The following FRAS1 variants were observed in gnomAD, a reference collection of about 807,000 sequenced individuals.
FRAS1 encodes the protein extracellular matrix organizing protein FRAS1.
Under a neutral mutation model 435.2 loss-of-function variants are expected in FRAS1, and 290 were observed. The observed-to-expected ratio is 0.67, with a 90% CI of 0.61 to 0.73. The LOEUF is 0.73. FRAS1 is among the 30% of genes least tolerant of loss of function. The probability of loss-of-function intolerance (pLI) is 0.00; values close to 1 mark genes in which losing one functional copy is unlikely to be tolerated. For missense variants in FRAS1, 4,860 were observed against 5,001.5 expected, an observed-to-expected ratio of 0.97 and a Z score of 0.85; for synonymous variants, 1,800 against 1,851.0, an observed-to-expected ratio of 0.97 and a Z score of 0.71.
intron 2 of FRAS1, among the ~76,000 whole-genome samples, chr4:78,170,828 G>T (rs1475028026): frequency 6.6e-6 from 1 of 151,876 alleles, no homozygotes; most frequent in Admixed American, 6.6e-5. Flanking sequence ...GTCACGGGTG[G>T]CCCCACAGTC....
At chr4:78,140,737 G>A (rs1420433364) in intron 2 of FRAS1, among the ~76,000 whole-genome samples, 1 of 147,500 alleles carries the variant, frequency 6.8e-6, no homozygotes, top group African/African-American at 2.6e-5. Flanking sequence ...ATACGTGTGT[G>A]TATATGTATA....
At chr4:78,472,928 C>T (rs1327165441) in intron 52 of FRAS1, among the ~76,000 whole-genome samples, 2 of 152,174 alleles carry the variant, frequency 1.3e-5, no homozygotes, top group East Asian at 1.9e-4. Flanking sequence ...TCTTTTTACT[C>T]TCTGTCCTCA....
intron 2 of FRAS1, among the ~76,000 whole-genome samples, chr4:78,100,150 C>A (rs942054119): frequency 1.3e-5 from 2 of 152,148 alleles, no homozygotes; most frequent in African/African-American, 4.8e-5. Context: ...AGACTGCAGG[C>A]TCAGCAAATA....
intron 18 of FRAS1, among the ~76,000 whole-genome samples, chr4:78,323,562 C>G (rs1729592563): frequency 6.6e-6 from 1 of 152,196 alleles, no homozygotes. Context: ...ATTCCCATGC[C>G]TCTGTGGGTG....
chr4:78,371,327 G>C (rs910526499), intron 23 of FRAS1, among the ~76,000 whole-genome samples: 2 of 152,080 alleles, frequency 1.3e-5, no homozygotes, highest in Non-Finnish European at 2.9e-5. Flanking sequence ...TTGGGACTTA[G>C]AAATATTCTA....
chr4:78,265,342 A>T (rs1726297899), intron 7 of FRAS1, among the ~76,000 whole-genome samples: 1 of 152,192 alleles, frequency 6.6e-6, no homozygotes, highest in Non-Finnish European at 1.5e-5. Context: ...TAGTTTAAGA[A>T]CCTTGGTGAA....
chr4:78,538,033 T>G (rs1721936792), intron 72 of FRAS1, among the ~76,000 whole-genome samples: 1 of 152,120 alleles, frequency 6.6e-6, no homozygotes, highest in South Asian at 2.1e-4. Flanking sequence ...CTTCATACAC[T>G]TTAGACAAAA....
intron 2 of FRAS1, among the ~76,000 whole-genome samples, chr4:78,128,607 T>C (rs536361398): frequency 6.2e-4 from 94 of 152,346 alleles, no homozygotes; most frequent in Non-Finnish European, 1.1e-3. Flanking sequence ...GGTTGTTTGT[T>C]TTTTTCTTGT....
rs368451625 is a variant in FRAS1, at chr4:78,216,951, CAG to C, written c.109-20558_109-20557del. The stretch of plus-strand genomic sequence containing the variant: ...GTAGGGGATAAGACTGGAGCAAAGT[CAG>C]GGGCCTGGCAGACCTGATGAGAAAT... On this transcript the variant is annotated intron_variant, in intron 2 of 73. Transcript: ENST00000512123. Among the ~76,000 whole-genome samples the C allele has an allele frequency of 3.9e-3, 591 of 152,252 alleles. 6 individuals carry two copies. The highest frequency in any genetic ancestry group is 0.013 in the African/African-American group (541 of 41,534).
chr4:78,264,934 T>G, intron 6 of FRAS1, 91 bp from the exon 7 acceptor site: 1 of 760,002 alleles, frequency 1.3e-6, no homozygotes, highest in South Asian at 1.5e-5. Flanking sequence ...CTTGGGGGCA[T>G]GATTTAGTTG....
Position 78,375,723 on chromosome 4 carries a change from T to A in FRAS1, c.3152-16T>A. On this transcript the variant is annotated splice_polypyrimidine_tract_variant and intron_variant, in intron 25 of 73. Coordinates refer to ENST00000512123, the MANE Select transcript of FRAS1 (RefSeq NM_025074.7). ...TGCCTTGATTGAGCCTCATTTAGTG[T>A]TTCCTTTTTTAATAGCCTGCCCTCA... is the stretch of plus-strand genomic sequence containing the variant. 19 of 1,554,690 alleles carry A rather than the reference T, an allele frequency of 1.2e-5. No individual in the cohort carries two copies. The highest frequency in any genetic ancestry group is 1.6e-5 in the Non-Finnish European group (18 of 1,152,066).
intron 2 of FRAS1, among the ~76,000 whole-genome samples, chr4:78,090,071 C>A (rs1398790895): frequency 1.9e-5 from 1 of 53,262 alleles, no homozygotes; most frequent in African/African-American, 6.5e-5. Flanking sequence ...AAGATCGTGG[C>A]ATTGCAAACT....
intron 29 of FRAS1, among the ~76,000 whole-genome samples, chr4:78,392,447 A>G (rs1227381926): frequency 2.0e-5 from 3 of 151,928 alleles, no homozygotes; most frequent in Admixed American, 6.6e-5. Flanking sequence ...TTATGACTCA[A>G]CCTTTAATTT....
chr4:78,256,282 A>G (rs1177408404), intron 6 of FRAS1, among the ~76,000 whole-genome samples: 1 of 152,202 alleles, frequency 6.6e-6, no homozygotes, highest in African/African-American at 2.4e-5. Context: ...CACACCAACT[A>G]CTGTGCTCAT....
intron 2 of FRAS1, among the ~76,000 whole-genome samples, chr4:78,121,443 GCA>G (rs1719018429): frequency 6.6e-6 from 1 of 152,176 alleles, no homozygotes; most frequent in Admixed American, 6.5e-5. Context: ...AGGGGTGTTG[GCA>G]CAGTGCTGGG....
At position 78,473,609 on chromosome 4, in the gene FRAS1, A is replaced by G. The variant is rs768132108; in HGVS notation, c.7682+12A>G. The G allele has an allele frequency of 4.5e-6, 7 of 1,560,102 alleles. No individual in the cohort carries two copies. The Admixed American group carries it at 1.3e-4, about 28-fold the overall frequency. On this transcript the variant is annotated intron_variant, in intron 53 of 73. Transcript: ENST00000512123. ...TTTAAATATACCAGGTACAAGTTTTACTGTGCTTTCCTTCTTGAGAAATCA... is the reference window on the plus strand; with the variant it reads ...TTTAAATATACCAGGTACAAGTTTTGCTGTGCTTTCCTTCTTGAGAAATCA...
At chr4:78,413,195 C>A in intron 32 of FRAS1, 110 bp downstream of exon 32, 1 of 579,198 alleles carries the variant, frequency 1.7e-6, no homozygotes, top group African/African-American at 2.0e-5. Flanking sequence ...TGGCCCAGAT[C>A]ACAGACTTGG....
At chr4:78,104,209 TTC>T (rs1742276045) in intron 2 of FRAS1, among the ~76,000 whole-genome samples, 1 of 152,242 alleles carries the variant, frequency 6.6e-6, no homozygotes, top group Non-Finnish European at 1.5e-5. Context: ...GAACAGGAAC[TTC>T]TTGAGGTACT....
Position 78,195,427 on chromosome 4 carries a change from G to A in FRAS1, c.109-42083G>A, listed in dbSNP as rs184940190. ...AGCTGCAGTGGGCTTCACCCAGTTC[G>A]AGCTTCCTGGCTGCTTTGTTTACCT... On this transcript the variant is annotated intron_variant, in intron 2 of 73. Coordinates refer to ENST00000512123, the MANE Select transcript of FRAS1 (RefSeq NM_025074.7). Among the ~76,000 whole-genome samples, 32 of 152,338 alleles carry A rather than the reference G, an allele frequency of 2.1e-4. No homozygotes were observed. The East Asian group carries it at 3.3e-3, about 16-fold the overall frequency.
Sources: allele counts gnomAD v4.1 joint callset (sites outside exome capture counted in the v4.1 genomes callset), GRCh38; gene constraint gnomAD v4.1.1; transcripts MANE v1.5; gene names NCBI Gene and HGNC (gene_info 2026-07-23, HGNC 2026-07-21).